TOP3B: variants seen among roughly 807,000 people sequenced by gnomAD.
The protein encoded by TOP3B is DNA topoisomerase 3-beta-1.
A neutral mutation model predicts 93.9 loss-of-function variants in TOP3B; 45 were observed. That is an observed-to-expected ratio of 0.48 (90% CI 0.38 to 0.61). The LOEUF (loss-of-function observed/expected upper bound fraction) is 0.61, where lower values mean the gene tolerates loss of function less well. Among genes scored for constraint, TOP3B ranks in the 20% least tolerant of loss-of-function variants. The pLI is 0.00. For synonymous variants in TOP3B, 357 were observed against 472.6 expected, an observed-to-expected ratio of 0.76 and a Z score of 3.17; for missense variants, 750 against 1,156.1, an observed-to-expected ratio of 0.65 and a Z score of 5.09.
At chr22:21,979,791 A>G (rs995438935) in intron 1 of TOP3B, among the ~76,000 whole-genome samples, 2 of 151,878 alleles carry the variant, frequency 1.3e-5, no homozygotes, top group East Asian at 3.9e-4. Flanking sequence ...AATACTAAAA[A>G]TTAGCTGGGC....
chr22:21,978,717 G>A (rs186698551), intron 1 of TOP3B, among the ~76,000 whole-genome samples: 27 of 148,646 alleles, frequency 1.8e-4, no homozygotes, highest in African/African-American at 6.7e-4. Context: ...CTGACTGTAG[G>A]GTCTGGCAAA....
intron 6 of TOP3B, chr22:21,969,930 ATTT>A (rs56123700): frequency 0.016 from 2,814 of 176,890 alleles, no homozygotes; most frequent in Middle Eastern, 0.032. Flanking sequence ...CAAAAAAATA[ATTT>A]TTTTTTTTTT....
At chr22:21,959,062 C>A in intron 16 of TOP3B, 70 bp downstream of exon 16, 2 of 1,572,250 alleles carry the variant, frequency 1.3e-6, no homozygotes, top group Non-Finnish European at 1.7e-6. Flanking sequence ...ATGATTCCTG[C>A]TGATCAACGA....
chr22:21,978,804 C>T (rs943555911), intron 1 of TOP3B, among the ~76,000 whole-genome samples: 4 of 152,164 alleles, frequency 2.6e-5, no homozygotes, highest in African/African-American at 9.7e-5. Flanking sequence ...TCAACAAAAC[C>T]TGGGAGATGG....
chr22:21,967,440 GTA>G, intron 8 of TOP3B, 161 bp downstream of exon 8: 1 of 629,696 alleles, frequency 1.6e-6, no homozygotes, highest in Non-Finnish European at 2.8e-6. Context: ...TATCTTAGGA[GTA>G]TATGAGGGAG....
At chr22:21,959,781 C>G (rs2071088228) in intron 14 of TOP3B, 45 bp from the exon 15 acceptor site, 1 of 1,588,604 alleles carries the variant, frequency 6.3e-7, no homozygotes, top group Admixed American at 1.7e-5. Context: ...CACTCGCACC[C>G]AGGGCCATGC....
chr22:21,960,651 C>G, intron 13 of TOP3B: 1 of 678,046 alleles, frequency 1.5e-6, no homozygotes, highest in Non-Finnish European at 2.5e-6. Context: ...CTTGAGAACA[C>G]AAGGGCAGCC....
In TOP3B at chr22:21,970,930, G is replaced by A. The variant is rs2071611162; in HGVS notation, c.385-524C>T. ...GCCACGGGTGGTCCTAGCTTGTGGT[G>A]GGGGCAGCTCGGGCTAAAGCACAGC... On this transcript the variant is annotated intron_variant, in intron 5 of 17. Coordinates refer to ENST00000357179, the MANE Select transcript of TOP3B (RefSeq NM_001282112.2). The surrounding 1 kb of genome is among the most constrained non-coding windows in gnomAD (Gnocchi z 4.4). 1.9e-6 allele frequency: 2 copies of A among 1,067,256 alleles called. No homozygotes were observed. Among genetic ancestry groups the A allele is most frequent in the Non-Finnish European group, 2.3e-6 (2 of 851,380 alleles). 66.1% of individuals were successfully genotyped at this position (1,067,256 alleles called of 1,614,324 possible). A position where few individuals can be genotyped will look rare whatever the true frequency, so the allele number is the denominator to read the frequency against.
At chr22:21,980,402 C>T (rs1440568844) in intron 1 of TOP3B, among the ~76,000 whole-genome samples, 5 of 152,200 alleles carry the variant, frequency 3.3e-5, no homozygotes, top group African/African-American at 1.2e-4. Context: ...AACTCCCTCA[C>T]TAAAGGGGCT....
intron 2 of TOP3B, chr22:21,975,402 T>G: frequency 2.2e-6 from 1 of 453,040 alleles, no homozygotes; most frequent in South Asian, 3.6e-5. Context: ...ATATGGATAA[T>G]GACTGTCCTT....
At chr22:21,975,600 G>A (rs754409654) in intron 2 of TOP3B, 40 bp downstream of exon 2, 7 of 1,564,982 alleles carry the variant, frequency 4.5e-6, no homozygotes, top group South Asian at 3.5e-5. Context: ...ACACATAAAC[G>A]ACCGTGCTTA....
At chr22:21,957,853 C>T (rs2070988002) in intron 17 of TOP3B, 1 of 1,528,478 alleles carries the variant, frequency 6.5e-7, no homozygotes, top group Non-Finnish European at 8.8e-7. Flanking sequence ...ACTCCATCCC[C>T]CCTTTGCTTT....
intron 1 of TOP3B, among the ~76,000 whole-genome samples, chr22:21,979,927 T>C (rs1265010466): frequency 2.6e-4 from 29 of 111,448 alleles, no homozygotes; most frequent in East Asian, 1.5e-3. Flanking sequence ...GGCGACAGAG[T>C]GAGACTCCAT....
intron 4 of TOP3B, chr22:21,972,197 C>G (rs1189475098): frequency 1.9e-6 from 1 of 515,400 alleles, no homozygotes; most frequent in Non-Finnish European, 3.4e-6. Flanking sequence ...TCTTATACCC[C>G]AAAACTGCCC....
At position 21,958,528 on chromosome 22, in the gene TOP3B, A is replaced by C; in HGVS notation, c.2071T>G (p.Cys691Gly). ...TCTCGGAAGGGTGGGTGGTTGTAGC[A>C]GTAGGGGCACAGCGGGTAGCTCTTG... ...RGKSYPLCPY[C>G]YNHPPFRDMK... The change falls in exon 17 of 18, where the codon TGC (cysteine) becomes GGC (glycine). Residue 691 changes from cysteine (C) to glycine (G), a missense_variant. Physicochemically the swap from Cys to Gly is radical, Grantham distance 159. Transcript: ENST00000357179. 6.2e-7 allele frequency: 1 copy of C among 1,614,098 alleles called. No individual in the cohort carries two copies. Among genetic ancestry groups the C allele is most frequent in the Non-Finnish European group, 8.5e-7 (1 of 1,180,030 alleles).
At chr22:21,976,029 G>T (rs1431623333) in intron 1 of TOP3B, 1 of 200,932 alleles carries the variant, frequency 5.0e-6, no homozygotes, top group Non-Finnish European at 1.0e-5. Context: ...GGCTCCATTT[G>T]GGGGAAGGTG....
Position 21,971,281 on chromosome 22 carries a change from G to C in TOP3B, c.384+596C>G. 1 of 253,726 alleles carries C rather than the reference G, an allele frequency of 3.9e-6. No homozygotes were observed. The highest frequency in any genetic ancestry group is 2.7e-5 in the South Asian group (1 of 36,942). The allele number at this position is 253,726 out of a possible 1,614,324, so 15.7% of individuals were successfully genotyped here. A position where few individuals can be genotyped will look rare whatever the true frequency, so the allele number is the denominator to read the frequency against. Reference sequence around the variant, plus strand: ...GAGAGCTGGGGGTACAGGAGCACGGGGGCGACCCATAGAACAACAGTCTGA... The same window carrying C: ...GAGAGCTGGGGGTACAGGAGCACGGCGGCGACCCATAGAACAACAGTCTGA... On this transcript the variant is annotated intron_variant, in intron 5 of 17. Transcript: ENST00000357179. This position sits in a 1 kb window ranked among gnomAD's most constrained non-coding sequence, Gnocchi z 4.6.
intron 6 of TOP3B, 119 bp from the exon 7 acceptor site, chr22:21,968,894 TC>T: frequency 2.6e-6 from 3 of 1,145,574 alleles, no homozygotes; most frequent in Non-Finnish European, 3.8e-6. Flanking sequence ...TCAGGTGGTG[TC>T]CCCACTTAGA....
At position 21,974,477 on chromosome 22, in the gene TOP3B, A is replaced by C; in HGVS notation, c.82T>G (p.Ser28Ala). The change falls in exon 3 of 18, where the codon TCA becomes GCA. Residue 28 changes from serine (S) to alanine (A), a missense_variant. Ser to Ala is a moderately conservative substitution (Grantham distance 99, BLOSUM62 1). Transcript: ENST00000357179. Reference sequence around the variant, plus strand: ...CAGGCCCCGTTCAGCCCTTTGTGTGAGGACAGGCTCCCTGGGGATGAGGAA... The same window carrying C: ...CAGGCCCCGTTCAGCCCTTTGTGTGCGGACAGGCTCCCTGGGGATGAGGAA... ...AKILSRGSLS[S>A]HKGLNGACSV... 4 of 1,610,092 alleles carry C rather than the reference A, an allele frequency of 2.5e-6. No homozygotes were observed. Among genetic ancestry groups the C allele is most frequent in the Non-Finnish European group, 3.4e-6 (4 of 1,177,794 alleles).
Sources: gnomAD v4.1 joint callset for allele counts (sites outside exome capture counted in the v4.1 genomes callset) on GRCh38, gnomAD v4.1.1 for gene constraint, Gnocchi (gnomAD v3.1) non-coding constraint, MANE v1.5 for transcripts, NCBI Gene and HGNC (gene_info 2026-07-23, HGNC 2026-07-21) for gene names.